PGGT1B: variants seen among roughly 807,000 people sequenced by gnomAD.
The protein encoded by PGGT1B is geranylgeranyl transferase type-1 subunit beta.
A neutral mutation model predicts 46.1 loss-of-function variants in PGGT1B; 30 were observed. The observed-to-expected ratio is 0.65, with a 90% CI of 0.49 to 0.88. The LOEUF is 0.88. Ranked by LOEUF, PGGT1B falls within the 40% of genes least tolerant of loss-of-function variation. PGGT1B has a pLI of 0.00. For missense variants in PGGT1B, 376 were observed against 455.9 expected (o/e 0.82, Z 1.60); for synonymous variants, 170 against 160.0 (o/e 1.06, Z -0.47).
Position 115,205,647 on chromosome 5 carries a change from C to T in PGGT1B, c.*6755G>A, listed in dbSNP as rs1050740607. The stretch of plus-strand genomic sequence containing the variant: ...TCGTAAATGAGTTTGAGGAACGAAG[C>T]CACAAAGGTCTTTTCTAATGCCACA... On this transcript the variant is annotated 3_prime_UTR_variant, in exon 9 of 9. Coordinates refer to ENST00000419445, the MANE Select transcript of PGGT1B (RefSeq NM_005023.4). 3.3e-5 allele frequency: 5 copies of T among 151,970 alleles called. No individual in the cohort carries two copies. Among genetic ancestry groups the T allele is most frequent in the Admixed American group, 2.0e-4 (3 of 15,228 alleles). 9.4% of individuals were successfully genotyped at this position (151,970 alleles called of 1,614,324 possible). A position where few individuals can be genotyped will look rare whatever the true frequency, so the allele number is the denominator to read the frequency against.
rs1756184376 is a variant in PGGT1B, at chr5:115,210,274, C to T, written c.*2128G>A. 1 of 151,920 alleles carries T rather than the reference C, an allele frequency of 6.6e-6. No individual in the cohort carries two copies. The highest frequency in any genetic ancestry group is 1.5e-5 in the Non-Finnish European group (1 of 67,938). 9.4% of individuals were successfully genotyped at this position (151,920 alleles called of 1,614,324 possible). ...CAGAGCTTTTTGAGATTTCGGACTTCGTATTTTCCCTCATTACATCGCTCC... is the reference window on the plus strand; with the variant it reads ...CAGAGCTTTTTGAGATTTCGGACTTTGTATTTTCCCTCATTACATCGCTCC... On this transcript the variant is annotated 3_prime_UTR_variant, in exon 9 of 9. Transcript: ENST00000419445.
At chr5:115,221,351 T>A (rs936159517) in intron 7 of PGGT1B, among the ~76,000 whole-genome samples, 4 of 151,980 alleles carry the variant, frequency 2.6e-5, no homozygotes, top group African/African-American at 9.7e-5. Flanking sequence ...GGCATGTCAA[T>A]TGATGAGTTT....
At position 115,206,351 on chromosome 5, in the gene PGGT1B, A is replaced by G. The variant is rs1189724189; in HGVS notation, c.*6051T>C. The G allele has an allele frequency of 6.6e-6, 1 of 151,974 alleles. No individual in the cohort carries two copies. The highest frequency in any genetic ancestry group is 1.5e-5 in the Non-Finnish European group (1 of 67,864). The allele number at this position is 151,974 out of a possible 1,614,324, so 9.4% of individuals were successfully genotyped here. On this transcript the variant is annotated 3_prime_UTR_variant, in exon 9 of 9. Transcript: ENST00000419445. The stretch of plus-strand genomic sequence containing the variant: ...ATTTTTCTTTAAATTATAAAACTAA[A>G]TGACCATTTTAAAAAAAGGTTCAAA...
chr5:115,218,172 C>T (rs1170096584), intron 7 of PGGT1B, among the ~76,000 whole-genome samples: 1 of 151,678 alleles, frequency 6.6e-6, no homozygotes, highest in Non-Finnish European at 1.5e-5. Flanking sequence ...CTTAATTTCT[C>T]ATAGTTGGGA....
rs1470451601 is a variant in PGGT1B, at chr5:115,238,434, G to T, written c.328-425C>A. On this transcript the variant is annotated intron_variant, in intron 3 of 8. Coordinates refer to ENST00000419445, the MANE Select transcript of PGGT1B (RefSeq NM_005023.4). ...TTCTCCGGCCTCAGCCTCCAGAGTA[G>T]CTGGGACTACAACAGGCACAAACCA... Among the ~76,000 whole-genome samples the T allele has an allele frequency of 2.0e-5, 3 of 151,004 alleles. No homozygotes were observed. The East Asian group carries it at 5.9e-4, about 30-fold the overall frequency.
intron 2 of PGGT1B, 84 bp downstream of exon 2, chr5:115,253,053 A>T: frequency 8.8e-7 from 1 of 1,142,244 alleles, no homozygotes; most frequent in South Asian, 1.4e-5. Flanking sequence ...AACAGTATAC[A>T]AGTACTAAGA....
At chr5:115,223,083 G>A (rs374749610) in intron 6 of PGGT1B, among the ~76,000 whole-genome samples, 5 of 151,622 alleles carry the variant, frequency 3.3e-5, no homozygotes, top group African/African-American at 7.3e-5. Flanking sequence ...AAACCTGCAC[G>A]TTGTGCACAT....
chr5:115,207,724 G>A lies in PGGT1B; in HGVS notation c.*4678C>T, dbSNP rs909244010. 1 of 151,916 alleles carries A rather than the reference G, an allele frequency of 6.6e-6. No individual in the cohort carries two copies. Among genetic ancestry groups the A allele is most frequent in the Non-Finnish European group, 1.5e-5 (1 of 67,926 alleles). The allele number at this position is 151,916 out of a possible 1,614,324, so 9.4% of individuals were successfully genotyped here. ...GCTTTCTAGATACATATTCATATCT[G>A]CAAATAGTTTTACCTCTTCCTTTCC... is the stretch of plus-strand genomic sequence containing the variant. On this transcript the variant is annotated 3_prime_UTR_variant, in exon 9 of 9. Coordinates refer to ENST00000419445, the MANE Select transcript of PGGT1B (RefSeq NM_005023.4).
At chr5:115,219,200 A>C (rs1179080369) in intron 7 of PGGT1B, among the ~76,000 whole-genome samples, 1 of 151,910 alleles carries the variant, frequency 6.6e-6, no homozygotes, top group Non-Finnish European at 1.5e-5. Flanking sequence ...TTTGAAACTT[A>C]CTACAAAGCT....
At chr5:115,240,487 C>A (rs2127015187) in intron 3 of PGGT1B, among the ~76,000 whole-genome samples, 1 of 152,168 alleles carries the variant, frequency 6.6e-6, no homozygotes, top group East Asian at 1.9e-4. Context: ...ATATGATAGG[C>A]ATGAAAAGGG....
chr5:115,221,999 G>C lies in PGGT1B; in HGVS notation c.668C>G (p.Thr223Ser). Residue 223 changes from threonine (T) to serine (S), a missense_variant, in exon 7 of 9, where the codon ACT becomes AGT. This residue lies in a region of PGGT1B where 222 missense variants were observed against 313.6 expected (regional missense o/e 0.71). Coordinates refer to ENST00000419445, the MANE Select transcript of PGGT1B (RefSeq NM_005023.4). ...GAGLESHGGS[T>S]FCGIASLCLM... Reference sequence around the variant, plus strand: ...ACATAGTGAGGCAATGCCACAAAAAGTTGATCCTCCTGTTAATCAAAACCA... The same window carrying C: ...ACATAGTGAGGCAATGCCACAAAAACTTGATCCTCCTGTTAATCAAAACCA... 3 of 1,566,208 alleles carry C rather than the reference G, an allele frequency of 1.9e-6. No individual in the cohort carries two copies. Among genetic ancestry groups the C allele is most frequent in the Non-Finnish European group, 2.6e-6 (3 of 1,159,904 alleles).
chr5:115,249,156 C>T (rs1747980719), intron 2 of PGGT1B, among the ~76,000 whole-genome samples: 1 of 151,854 alleles, frequency 6.6e-6, no homozygotes, highest in African/African-American at 2.4e-5. Context: ...CTTCCCCCTC[C>T]ACAAAGATTT....
chr5:115,220,924 G>A (rs1249374659), intron 7 of PGGT1B, among the ~76,000 whole-genome samples: 5 of 151,846 alleles, frequency 3.3e-5, no homozygotes, highest in South Asian at 2.1e-4. Context: ...GGTAGCTTTC[G>A]GTTGATAATT....
intron 1 of PGGT1B, among the ~76,000 whole-genome samples, chr5:115,254,615 T>TA (rs1748238272): frequency 1.3e-5 from 2 of 150,920 alleles, no homozygotes; most frequent in African/African-American, 2.4e-5. Flanking sequence ...TTTTTTTTTT[T>TA]AAGGGCAAAT....
intron 6 of PGGT1B, among the ~76,000 whole-genome samples, chr5:115,229,641 G>T (rs144608377): frequency 2.8e-4 from 43 of 152,244 alleles, no homozygotes; most frequent in African/African-American, 9.4e-4. Flanking sequence ...TGTCTCACAG[G>T]TGAGGTGACT....
intron 5 of PGGT1B, among the ~76,000 whole-genome samples, chr5:115,232,666 T>G (rs1757028265): frequency 1.3e-5 from 2 of 152,064 alleles, no homozygotes; most frequent in Non-Finnish European, 2.9e-5. Flanking sequence ...TTTTTCCCAT[T>G]GATGATTAAA....
intron 6 of PGGT1B, among the ~76,000 whole-genome samples, chr5:115,224,385 T>C (rs1756692626): frequency 6.6e-6 from 1 of 152,146 alleles, no homozygotes; most frequent in South Asian, 2.1e-4. Flanking sequence ...AGAAAAACAC[T>C]CTTTACTTTG....
intron 2 of PGGT1B, among the ~76,000 whole-genome samples, chr5:115,252,214 GTTCAAAATACTTAAATCATTTTTTAA>G (rs1285360581): frequency 6.6e-6 from 1 of 152,050 alleles, no homozygotes; most frequent in Non-Finnish European, 1.5e-5. Context: ...GATAGACCTA[GTTCAAAATACTTAAATCATTTTTTAA>G]TAAGACTTTG....
Position 115,253,350 on chromosome 5 carries a change from T to C in PGGT1B, c.141-95A>G, listed in dbSNP as rs968609760. On this transcript the variant is annotated intron_variant, in intron 1 of 8. Transcript: ENST00000419445. ...GAAAAATAATAAAATCATTCTAATT[T>C]TCCAATAATTTAAACAATACTTCCA... The C allele has an allele frequency of 6.7e-6, 7 of 1,049,068 alleles. No homozygotes were observed. In the African/African-American group the frequency reaches 1.2e-4, roughly 17 times the overall value. The allele number at this position is 1,049,068 out of a possible 1,614,324, so 65.0% of individuals were successfully genotyped here.
Sources: gnomAD v4.1 joint callset for allele counts (sites outside exome capture counted in the v4.1 genomes callset) on GRCh38, gnomAD v4.1.1 for gene constraint, gnomAD v4.1.1 regional missense constraint, MANE v1.5 for transcripts, NCBI Gene and HGNC (gene_info 2026-07-23, HGNC 2026-07-21) for gene names.